The following ZNF200 variants were observed in gnomAD, a reference collection of about 807,000 sequenced individuals.
ZNF200 encodes the protein zinc finger protein 200.
A neutral mutation model predicts 33.6 loss-of-function variants in ZNF200; 35 were observed. The observed-to-expected ratio is 1.04, with a 90% CI of 0.80 to 1.38. The LOEUF is 1.38. Ranked by LOEUF, ZNF200 falls within the 40% of genes most tolerant of loss-of-function variation. The probability of loss-of-function intolerance (pLI) is 0.00; values close to 1 mark genes in which losing one functional copy is unlikely to be tolerated. For synonymous variants in ZNF200, 209 were observed against 167.7 expected, an observed-to-expected ratio of 1.25 and a Z score of -1.90; for missense variants, 592 against 470.6, an observed-to-expected ratio of 1.26 and a Z score of -2.39.
chr16:3,233,270 A>G (rs1347401904), intron 2 of ZNF200, among the ~76,000 whole-genome samples: 1 of 152,248 alleles, frequency 6.6e-6, no homozygotes, highest in Non-Finnish European at 1.5e-5. Context: ...TATCCTTAAA[A>G]GATATTTCCC....
chr16:3,233,804 C>G lies in ZNF200; in HGVS notation c.-49G>C. The G allele has an allele frequency of 6.5e-7, 1 of 1,546,058 alleles. No homozygotes were observed. The highest frequency in any genetic ancestry group is 1.2e-5 in the South Asian group (1 of 80,172). ...CGTTTCGCGGGGCCTCCAGAGCCAC[C>G]TCTTACTAGAGGAAATCTGCCAGAG... is the stretch of plus-strand genomic sequence containing the variant. On this transcript the variant is annotated 5_prime_UTR_variant, in exon 2 of 5. Coordinates refer to ENST00000414144, the MANE Select transcript of ZNF200 (RefSeq NM_198088.3).
chr16:3,234,182 G>GATCGC (rs1958729287), intron 1 of ZNF200: 1 of 154,880 alleles, frequency 6.5e-6, no homozygotes, highest in Non-Finnish European at 1.4e-5. Context: ...CTGGCGGGTG[G>GATCGC]ATCGCTTGAG....
chr16:3,227,969 A>G (rs1958515662), intron 4 of ZNF200, among the ~76,000 whole-genome samples: 1 of 152,168 alleles, frequency 6.6e-6, no homozygotes, highest in South Asian at 2.1e-4. Flanking sequence ...AAAAAAACAC[A>G]TCAAATTAAT....
Position 3,233,727 on chromosome 16 carries a change from G to T in ZNF200, c.29C>A (p.Pro10His), listed in dbSNP as rs200898214. Residue 10 changes from proline to histidine, a missense_variant, in exon 2 of 5, where the codon CCC becomes CAC. Transcript: ENST00000414144. Reference protein sequence around the residue: MMAAKVVPMPPKPKQSFILR... With the variant: MMAAKVVPMHPKPKQSFILR... ...TATAAAGGACTGCTTTGGCTTTGGG[G>T]GCATAGGAACCACTTTTGCAGCCAT... The T allele has an allele frequency of 6.2e-7, 1 of 1,612,628 alleles. No individual in the cohort carries two copies. Among genetic ancestry groups the T allele is most frequent in the Non-Finnish European group, 8.5e-7 (1 of 1,179,452 alleles).
intron 4 of ZNF200, chr16:3,226,048 TTTC>T (rs1329353430): frequency 0.067 from 3,269 of 48,776 alleles, 101 homozygotes; most frequent in Middle Eastern, 0.1. Context: ...TTATTTTTTC[TTTC>T]TTTTTTTTTT....
intron 4 of ZNF200, among the ~76,000 whole-genome samples, chr16:3,230,842 A>C (rs1334274749): frequency 6.6e-6 from 1 of 152,214 alleles, no homozygotes; most frequent in Non-Finnish European, 1.5e-5. Flanking sequence ...ATCCAAAATC[A>C]ATTCCACCTT....
At chr16:3,229,122 G>A (rs1399763696) in intron 4 of ZNF200, among the ~76,000 whole-genome samples, 1 of 152,076 alleles carries the variant, frequency 6.6e-6, no homozygotes, top group African/African-American at 2.4e-5. Context: ...ATATATGGTA[G>A]GATATGTGTG....
chr16:3,233,500 T>C lies in ZNF200; in HGVS notation c.250+6A>G. 1 of 1,521,868 alleles carries C rather than the reference T, an allele frequency of 6.6e-7. No homozygotes were observed. Among genetic ancestry groups the C allele is most frequent in the Non-Finnish European group, 8.8e-7 (1 of 1,136,674 alleles). 94.3% of individuals were successfully genotyped at this position (1,521,868 alleles called of 1,614,324 possible). Reference sequence around the variant, plus strand: ...TCTTCTAGTGAAACAAGCATGTGCTTCTCACCTCTGTTCTGAAGGCTTGAG... The same window carrying C: ...TCTTCTAGTGAAACAAGCATGTGCTCCTCACCTCTGTTCTGAAGGCTTGAG... On this transcript the variant is annotated splice_donor_region_variant and intron_variant, in intron 2 of 4. Coordinates refer to ENST00000414144, the MANE Select transcript of ZNF200 (RefSeq NM_198088.3).
intron 3 of ZNF200, 142 bp downstream of exon 3, chr16:3,232,691 C>T: frequency 7.0e-7 from 1 of 1,429,024 alleles, no homozygotes; most frequent in Non-Finnish European, 9.6e-7. Context: ...AAAGACAGGA[C>T]AGCCAGGCTG....
At chr16:3,224,940 T>A (rs1958429356) in intron 4 of ZNF200, 1 of 250,226 alleles carries the variant, frequency 4.0e-6, no homozygotes, top group Non-Finnish European at 7.8e-6. Context: ...AGGTAAGGAC[T>A]AGGGATGAAG....
chr16:3,229,231 C>A (rs1444944379), intron 4 of ZNF200, among the ~76,000 whole-genome samples: 1 of 151,918 alleles, frequency 6.6e-6, no homozygotes, highest in Non-Finnish European at 1.5e-5. Context: ...CCCATGAATA[C>A]CAAGGACAAG....
In ZNF200 at chr16:3,233,627, G is replaced by A. The variant is rs143164923; in HGVS notation, c.129C>T (p.His43=). 1.9e-6 allele frequency: 3 copies of A among 1,613,824 alleles called. No individual in the cohort carries two copies. The highest frequency in any genetic ancestry group is 2.2e-5 in the East Asian group (1 of 44,896). The change falls in exon 2 of 5, where the codon CAC becomes CAT. Residue 43 remains histidine (H), a synonymous_variant. Coordinates refer to ENST00000414144, the MANE Select transcript of ZNF200 (RefSeq NM_198088.3). ...TGAGGAAGTGCTCCAGCACTAGCTG[G>A]TGGATGGTCTTGGGCCCGTTAGTGG... ...RDATNGPKTI[H]QLVLEHFLTF...
At chr16:3,233,887 T>C (rs1958717322) in intron 1 of ZNF200, 51 bp from the exon 2 acceptor site, 1 of 1,427,066 alleles carries the variant, frequency 7.0e-7, no homozygotes, top group East Asian at 2.4e-5. Flanking sequence ...ACGGCATTAC[T>C]GCACTCCAAT....
At chr16:3,224,723 G>C in intron 4 of ZNF200, 110 bp from the exon 5 acceptor site, 1 of 1,404,436 alleles carries the variant, frequency 7.1e-7, no homozygotes, top group Non-Finnish European at 9.5e-7. Flanking sequence ...AATCTGGGGA[G>C]TGGCGGATAC....
intron 4 of ZNF200, among the ~76,000 whole-genome samples, chr16:3,229,864 A>C (rs201575909): frequency 2.1e-5 from 1 of 48,078 alleles, no homozygotes; most frequent in Non-Finnish European, 5.1e-5. Context: ...ACTCCGTCTC[A>C]AAAAAAAAAA....
intron 4 of ZNF200, chr16:3,226,756 C>T (rs956761606): frequency 6.6e-6 from 1 of 152,148 alleles, no homozygotes; most frequent in Non-Finnish European, 1.5e-5. Flanking sequence ...GTTGCTATAT[C>T]TGTAGGTCAG....
Position 3,222,657 on chromosome 16 carries a change from C to A in ZNF200, c.*1235G>T. 6.6e-6 allele frequency: 1 copy of A among 152,136 alleles called. No homozygotes were observed. Among genetic ancestry groups the A allele is most frequent in the East Asian group, 1.9e-4 (1 of 5,200 alleles). 9.4% of individuals were successfully genotyped at this position (152,136 alleles called of 1,614,324 possible). ...GGATTTCTTTATTCCAATCAAAACA[C>A]CAATGTATAACTTTTGGAAACCTAA... On this transcript the variant is annotated 3_prime_UTR_variant, in exon 5 of 5. Transcript: ENST00000414144.
At position 3,232,854 on chromosome 16, in the gene ZNF200, C is replaced by CAG. The variant is rs1184454174; in HGVS notation, c.316_317dup (p.Tyr107CysfsTer3). The CAG allele has an allele frequency of 2.5e-6, 4 of 1,613,734 alleles. No homozygotes were observed. The highest frequency in any genetic ancestry group is 3.4e-6 in the Non-Finnish European group (4 of 1,179,836). On this transcript the variant is annotated frameshift_variant, in exon 3 of 5. Coordinates refer to ENST00000414144, the MANE Select transcript of ZNF200 (RefSeq NM_198088.3). LOFTEE classifies it high-confidence loss of function. ...CCACCTCAGGGTTAGCTTTCAAATA[C>CAG]AGAGACACTGTCTCTTGTTCCTTTT...
rs968201645 is a variant in ZNF200 at position 3,232,498 on chromosome 16, C to T, written c.389G>A (p.Cys130Tyr). 2 of 1,614,150 alleles carry T rather than the reference C, an allele frequency of 1.2e-6. No individual in the cohort carries two copies. Among genetic ancestry groups the T allele is most frequent in the Non-Finnish European group, 1.7e-6 (2 of 1,180,012 alleles). Residue 130 changes from cysteine (C) to tyrosine (Y), a missense_variant, in exon 4 of 5, where the codon TGT (cysteine) becomes TAT (tyrosine). Coordinates refer to ENST00000414144, the MANE Select transcript of ZNF200 (RefSeq NM_198088.3). ...DLNVFHCQEE[C>Y]VSLDPTQQLT... The stretch of plus-strand genomic sequence containing the variant: ...TTGTTGAGTAGGATCCAAGCTCACA[C>T]ATTCTTCCTGGCAGTGAAATACATT...
Sources: allele counts gnomAD v4.1 joint callset (sites outside exome capture counted in the v4.1 genomes callset), GRCh38; gene constraint gnomAD v4.1.1; transcripts MANE v1.5; gene names NCBI Gene and HGNC (gene_info 2026-07-23, HGNC 2026-07-21).